Variants in NLRP8 observed in about 807,000 individuals in gnomAD.
The protein encoded by NLRP8 is NACHT, LRR and PYD domains-containing protein 8.
NLRP8 carries 86 observed loss-of-function variants against 88.7 expected under a neutral mutation model. That is an observed-to-expected ratio of 0.97 (90% CI 0.81 to 1.16). The LOEUF is 1.16. NLRP8 is among the 50% of genes most tolerant of loss of function. NLRP8 has a pLI of 0.00. For missense variants in NLRP8, 1,342 were observed against 1,286.5 expected (o/e 1.04, Z -0.66); for synonymous variants, 504 against 494.6 (o/e 1.02, Z -0.25).
chr19:55,987,878 G>A lies in NLRP8; in HGVS notation c.3112G>A (p.Gly1038Arg). Residue 1038 changes from glycine to arginine, a missense_variant, in exon 10 of 10, where the codon GGA (glycine) becomes AGA (arginine). Gly to Arg is a moderately radical substitution (Grantham distance 125, BLOSUM62 -2). Transcript: ENST00000291971. The stretch of plus-strand genomic sequence containing the variant: ...AACTCCTCACCCACCCGACTTCACG[G>A]GAAAAAGTGACTGCCTATCCCAGAT... 1.2e-6 allele frequency: 2 copies of A among 1,614,004 alleles called. No individual in the cohort carries two copies. The highest frequency in any genetic ancestry group is 1.7e-6 in the Non-Finnish European group (2 of 1,179,974).
chr19:55,951,035 A>C (rs937909989), intron 1 of NLRP8, among the ~76,000 whole-genome samples: 3 of 152,040 alleles, frequency 2.0e-5, no homozygotes, highest in African/African-American at 7.3e-5. Flanking sequence ...CTGAGATCAC[A>C]CCACTGCACT....
chr19:55,958,944 T>C (rs1259770924), intron 3 of NLRP8, among the ~76,000 whole-genome samples: 7 of 152,062 alleles, frequency 4.6e-5, no homozygotes, highest in Non-Finnish European at 1.0e-4. Context: ...AGTGGTGAGG[T>C]CTCGGATCAC....
At chr19:55,986,215 C>G (rs997943997) in intron 9 of NLRP8, among the ~76,000 whole-genome samples, 2 of 151,868 alleles carry the variant, frequency 1.3e-5, no homozygotes, top group Non-Finnish European at 2.9e-5. Flanking sequence ...TGTCAATACA[C>G]AAAAAATTAA....
At chr19:55,964,997 G>A (rs929392237) in intron 4 of NLRP8, among the ~76,000 whole-genome samples, 19 of 152,216 alleles carry the variant, frequency 1.2e-4, no homozygotes, top group African/African-American at 1.7e-4. Flanking sequence ...TAGAAAAGGC[G>A]TGTGATGGCC....
chr19:55,955,513 CG>C lies in NLRP8; in HGVS notation c.1456del (p.Ala486ProfsTer5). 6.2e-7 allele frequency: 1 copy of C among 1,614,152 alleles called. No homozygotes were observed. Among genetic ancestry groups the C allele is most frequent in the Non-Finnish European group, 8.5e-7 (1 of 1,180,030 alleles). On this transcript the variant is annotated frameshift_variant, in exon 3 of 10. Coordinates refer to ENST00000291971, the MANE Select transcript of NLRP8 (RefSeq NM_176811.2). LOFTEE classifies it high-confidence loss of function. ...CCAAGCTGGATCAGACGGGAGTCAC[CG>C]CCTTCCTTGGCATGAGTATTCTTCG...
chr19:55,970,264 C>CT (rs1429443015), intron 5 of NLRP8, among the ~76,000 whole-genome samples: 1 of 152,050 alleles, frequency 6.6e-6, no homozygotes, highest in Non-Finnish European at 1.5e-5. Context: ...TTCCAACTAA[C>CT]TTTTTTTAAA....
intron 2 of NLRP8, among the ~76,000 whole-genome samples, chr19:55,953,792 CTTTTTTT>C (rs35767678): frequency 1.8e-4 from 10 of 55,246 alleles, no homozygotes; most frequent in South Asian, 2.1e-3. Context: ...TGTGCCTGGC[CTTTTTTT>C]TTTTTTTTTT....
chr19:55,956,433 G>T (rs112569038), intron 3 of NLRP8, among the ~76,000 whole-genome samples: 1 of 152,024 alleles, frequency 6.6e-6, no homozygotes, highest in African/African-American at 2.4e-5. Context: ...TAGTAGAGAT[G>T]GGGTTTCACC....
intron 9 of NLRP8, among the ~76,000 whole-genome samples, chr19:55,986,650 G>T (rs1980854319): frequency 2.0e-5 from 3 of 152,186 alleles, no homozygotes; most frequent in Admixed American, 6.5e-5. Flanking sequence ...CTGTTCCCTG[G>T]GGCTGGTGGT....
chr19:55,972,234 C>T (rs55713887), intron 6 of NLRP8, among the ~76,000 whole-genome samples: 21,559 of 151,148 alleles, frequency 0.14, 2,010 homozygotes, highest in East Asian at 0.47. Context: ...CCTGCCTGAG[C>T]CTTCTGAGTA....
chr19:55,962,040 G>A (rs771424025), intron 3 of NLRP8, 27 bp from the exon 4 acceptor site: 6 of 1,606,104 alleles, frequency 3.7e-6, no homozygotes, highest in African/African-American at 1.3e-5. Flanking sequence ...ACGAAGAGGT[G>A]TTTTCTCTCT....
At chr19:55,949,946 G>A (rs1979017450) in intron 1 of NLRP8, among the ~76,000 whole-genome samples, 1 of 152,128 alleles carries the variant, frequency 6.6e-6, no homozygotes, top group Admixed American at 6.5e-5. Flanking sequence ...CCTCTTTGAG[G>A]AAATGATGCT....
intron 6 of NLRP8, among the ~76,000 whole-genome samples, chr19:55,971,458 A>AG (rs1980071037): frequency 6.7e-6 from 1 of 150,180 alleles, no homozygotes; most frequent in African/African-American, 2.5e-5. Flanking sequence ...AAAAAAAAAA[A>AG]AGGATTTTAC....
At chr19:55,977,977 T>C (rs868099971) in intron 8 of NLRP8, among the ~76,000 whole-genome samples, 2 of 152,290 alleles carry the variant, frequency 1.3e-5, no homozygotes, top group Admixed American at 1.3e-4. Context: ...ATCTCTTAGA[T>C]TGAGTGAAAT....
intron 9 of NLRP8, among the ~76,000 whole-genome samples, chr19:55,986,777 C>G (rs56070356): frequency 0.064 from 9,669 of 151,894 alleles, 344 homozygotes; most frequent in Middle Eastern, 0.096. Context: ...TGATTGCCAG[C>G]TGGCCCAGAG....
chr19:55,948,318 C>A, intron 1 of NLRP8, 49 bp downstream of exon 1: 1 of 1,565,396 alleles, frequency 6.4e-7, no homozygotes, highest in Non-Finnish European at 8.7e-7. Flanking sequence ...GGCTGCTGGG[C>A]AGCTAAACTA....
chr19:55,984,003 C>T (rs1336287387), intron 9 of NLRP8, among the ~76,000 whole-genome samples: 1 of 151,972 alleles, frequency 6.6e-6, no homozygotes, highest in Admixed American at 6.6e-5. Context: ...AATTCTTTCC[C>T]TAAGATAAAA....
At chr19:55,982,049 G>T (rs550610429) in intron 9 of NLRP8, among the ~76,000 whole-genome samples, 26 of 152,062 alleles carry the variant, frequency 1.7e-4, no homozygotes, top group African/African-American at 6.0e-4. Context: ...CTACAGGTGT[G>T]CACCACCACT....
At chr19:55,976,344 T>G in intron 8 of NLRP8, 41 bp downstream of exon 8, 1 of 1,501,690 alleles carries the variant, frequency 6.7e-7, no homozygotes, top group Admixed American at 2.3e-5. Context: ...CCAGGAGAAT[T>G]GTATATAAGC....
Sources: allele counts gnomAD v4.1 joint callset (sites outside exome capture counted in the v4.1 genomes callset), GRCh38; gene constraint gnomAD v4.1.1; transcripts MANE v1.5; gene names NCBI Gene and HGNC (gene_info 2026-07-23, HGNC 2026-07-21).